SLC35A1: variants seen among roughly 807,000 people sequenced by gnomAD.
SLC35A1 encodes the protein solute carrier family 35 member A1.
Under a neutral mutation model 40.3 loss-of-function variants are expected in SLC35A1, and 21 were observed. That is an observed-to-expected ratio of 0.52 (90% CI 0.37 to 0.75). The LOEUF (loss-of-function observed/expected upper bound fraction) is 0.75. Ranked by LOEUF, SLC35A1 falls within the 30% of genes least tolerant of loss-of-function variation. SLC35A1 has a pLI of 0.00. For missense variants in SLC35A1, 297 were observed against 382.1 expected (o/e 0.78, Z 1.86); for synonymous variants, 146 against 147.3 (o/e 0.99, Z 0.06).
intron 3 of SLC35A1, among the ~76,000 whole-genome samples, 195 bp downstream of exon 3, chr6:87,500,862 C>T (rs1769900687): frequency 6.6e-6 from 1 of 151,976 alleles, no homozygotes; most frequent in South Asian, 2.1e-4. Context: ...ATTCTCCTGC[C>T]TCAGCCTCCC....
At chr6:87,508,134 G>A (rs1021254625) in intron 5 of SLC35A1, among the ~76,000 whole-genome samples, 4 of 152,070 alleles carry the variant, frequency 2.6e-5, no homozygotes, top group African/African-American at 7.2e-5. Flanking sequence ...TGGTCTTACT[G>A]CTCTAATAAA....
intron 6 of SLC35A1, 140 bp from the exon 7 acceptor site, chr6:87,508,901 T>C (rs1352453560): frequency 2.2e-6 from 2 of 914,100 alleles, no homozygotes; most frequent in African/African-American, 3.3e-5. Context: ...GTACAAACTC[T>C]CAGATGGCTC....
chr6:87,500,402 C>T (rs944520755), intron 2 of SLC35A1, 106 bp from the exon 3 acceptor site: 14 of 1,087,188 alleles, frequency 1.3e-5, no homozygotes, highest in Admixed American at 1.3e-4. Flanking sequence ...TGCTAAATTA[C>T]AGCAAGCATA....
intron 5 of SLC35A1, among the ~76,000 whole-genome samples, chr6:87,508,188 T>C (rs144988483): frequency 1.3e-3 from 195 of 152,270 alleles, no homozygotes; most frequent in African/African-American, 4.0e-3. Context: ...TAAATGTAGC[T>C]TATAAACTTC....
chr6:87,482,752 G>A (rs1162897658), intron 2 of SLC35A1, among the ~76,000 whole-genome samples: 1 of 152,168 alleles, frequency 6.6e-6, no homozygotes, highest in Non-Finnish European at 1.5e-5. Context: ...AATTATCAGT[G>A]GTTAATGTTA....
At chr6:87,505,302 C>T (rs1770045480) in intron 4 of SLC35A1, among the ~76,000 whole-genome samples, 1 of 151,988 alleles carries the variant, frequency 6.6e-6, no homozygotes, top group Non-Finnish European at 1.5e-5. Flanking sequence ...TTCAGTGATA[C>T]TATTGAGATA....
chr6:87,475,665 A>C (rs1369033096), intron 1 of SLC35A1, among the ~76,000 whole-genome samples: 5 of 152,220 alleles, frequency 3.3e-5, no homozygotes, highest in Non-Finnish European at 7.3e-5. Context: ...GTTTCCTTGT[A>C]AGATCCAACC....
intron 7 of SLC35A1, among the ~76,000 whole-genome samples, chr6:87,510,073 T>C (rs774299062): frequency 1.4e-4 from 22 of 152,340 alleles, no homozygotes; most frequent in South Asian, 4.1e-4. Context: ...ATTTCTTAAC[T>C]GTGCAGCCTT....
At position 87,511,379 on chromosome 6, in the gene SLC35A1, A is replaced by AT. The variant is rs747644865; in HGVS notation, c.887-9dup. 9,795 of 1,201,830 alleles carry AT rather than the reference A, an allele frequency of 8.2e-3. No homozygotes were observed. Among genetic ancestry groups the AT allele is most frequent in the Non-Finnish European group, 9.0e-3 (7,758 of 860,144 alleles). The allele number at this position is 1,201,830 out of a possible 1,614,324, so 74.4% of individuals were successfully genotyped here. A position where few individuals can be genotyped will look rare whatever the true frequency, so the allele number is the denominator to read the frequency against. On this transcript the variant is annotated intron_variant, in intron 7 of 7. Coordinates refer to ENST00000369552, the MANE Select transcript of SLC35A1 (RefSeq NM_006416.5). ...TAAAGACACACATACAGATAAAGCT[A>AT]TTTTTTTTTTTCTTTTCAGCACTCA...
intron 2 of SLC35A1, among the ~76,000 whole-genome samples, chr6:87,489,534 GC>G (rs1374889660): frequency 1.4e-5 from 2 of 139,170 alleles, no homozygotes; most frequent in African/African-American, 5.5e-5. Context: ...TCAACTGTGA[GC>G]TTTTTTTTTT....
chr6:87,477,442 T>C lies in SLC35A1; in HGVS notation c.97T>C (p.Tyr33His). ...MAAVYTIALRYTRTSDKELYF... is the reference protein window; with the variant it reads ...MAAVYTIALRHTRTSDKELYF... The stretch of plus-strand genomic sequence containing the variant: ...TGCAGTCTATACCATAGCTTTAAGA[T>C]ACACAAGGACATCAGACAAAGAACT... The change falls in exon 2 of 8, where the codon TAC (tyrosine) becomes CAC (histidine). Residue 33 changes from tyrosine to histidine, a missense_variant. Physicochemically the swap from Tyr to His is moderately conservative, Grantham distance 83. Transcript: ENST00000369552. 1.2e-6 allele frequency: 2 copies of C among 1,613,866 alleles called. No homozygotes were observed. Among genetic ancestry groups the C allele is most frequent in the Non-Finnish European group, 1.7e-6 (2 of 1,179,762 alleles).
At chr6:87,482,196 G>T (rs1326840422) in intron 2 of SLC35A1, among the ~76,000 whole-genome samples, 1 of 151,684 alleles carries the variant, frequency 6.6e-6, no homozygotes, top group Non-Finnish European at 1.5e-5. Context: ...TTTATTTTAG[G>T]ATAATAATTT....
At chr6:87,480,397 C>G (rs939168377) in intron 2 of SLC35A1, among the ~76,000 whole-genome samples, 1 of 152,178 alleles carries the variant, frequency 6.6e-6, no homozygotes, top group African/African-American at 2.4e-5. Context: ...TCTAGCCTAC[C>G]GTGCACACAA....
chr6:87,503,516 GC>G (rs1769983030), intron 4 of SLC35A1, among the ~76,000 whole-genome samples: 3 of 152,108 alleles, frequency 2.0e-5, no homozygotes, highest in African/African-American at 7.2e-5. Context: ...TTCGAGACCA[GC>G]CTGGCTAACA....
At chr6:87,508,192 A>C (rs1393583335) in intron 5 of SLC35A1, among the ~76,000 whole-genome samples, 2 of 152,122 alleles carry the variant, frequency 1.3e-5, no homozygotes, top group Non-Finnish European at 2.9e-5. Context: ...TGTAGCTTAT[A>C]AACTTCCCAA....
At chr6:87,481,417 CA>C (rs200106266) in intron 2 of SLC35A1, among the ~76,000 whole-genome samples, 4,609 of 116,684 alleles carry the variant, frequency 0.039, 191 homozygotes, top group African/African-American at 0.12. Flanking sequence ...AACTCTGACT[CA>C]AAAAAAAAAA....
chr6:87,511,339 GATC>G, intron 7 of SLC35A1, 57 bp from the exon 8 acceptor site: 4 of 1,584,062 alleles, frequency 2.5e-6, no homozygotes, highest in Non-Finnish European at 3.5e-6. Flanking sequence ...ATTTTAAACT[GATC>G]ATTAGGCATT....
At chr6:87,477,571 A>ATTT in intron 2 of SLC35A1, 32 bp downstream of exon 2, 1 of 1,530,564 alleles carries the variant, frequency 6.5e-7, no homozygotes, top group Non-Finnish European at 9.0e-7. Context: ...GTGTTAAATT[A>ATTT]TTTTTCTACC....
chr6:87,474,346 C>T (rs1039009975), intron 1 of SLC35A1, among the ~76,000 whole-genome samples: 1 of 152,186 alleles, frequency 6.6e-6, no homozygotes, highest in Non-Finnish European at 1.5e-5. Context: ...CAAATAATGT[C>T]CCCATAAACT....
Sources: gnomAD v4.1 joint callset for allele counts (sites outside exome capture counted in the v4.1 genomes callset) on GRCh38, gnomAD v4.1.1 for gene constraint, MANE v1.5 for transcripts, NCBI Gene and HGNC (gene_info 2026-07-23, HGNC 2026-07-21) for gene names.